MAML2: variants seen among roughly 807,000 people sequenced by gnomAD.
The protein encoded by MAML2 is mastermind-like protein 2.
Under a neutral mutation model 96.1 loss-of-function variants are expected in MAML2, and 22 were observed. That is an observed-to-expected ratio of 0.23 (90% CI 0.16 to 0.33). MAML2 has a LOEUF of 0.33. Among genes scored for constraint, MAML2 ranks in the 10% least tolerant of loss-of-function variants. The pLI, the probability that MAML2 is intolerant of heterozygous loss-of-function variation, is 1.00. For synonymous variants in MAML2, 561 were observed against 521.3 expected (o/e 1.08, Z -1.04); for missense variants, 1,367 against 1,392.4 (o/e 0.98, Z 0.29).
intron 1 of MAML2, among the ~76,000 whole-genome samples, chr11:96,156,296 T>G (rs1389356192): frequency 1.3e-5 from 2 of 152,210 alleles, no homozygotes; most frequent in African/African-American, 2.4e-5. Context: ...CCTCCGCCCC[T>G]CACACACCAG....
At chr11:96,148,659 TACACACAC>T (rs58470055) in intron 1 of MAML2, among the ~76,000 whole-genome samples, 5,754 of 131,886 alleles carry the variant, frequency 0.044, 168 homozygotes, top group African/African-American at 0.086. Flanking sequence ...TTCTGAAAAA[TACACACAC>T]ACACACACAC....
intron 1 of MAML2, among the ~76,000 whole-genome samples, chr11:96,108,454 C>A (rs1246118219): frequency 2.0e-5 from 3 of 152,216 alleles, no homozygotes; most frequent in African/African-American, 7.2e-5. Context: ...TTCTAAATAT[C>A]ATCTCATGAA....
chr11:96,318,513 CA>C (rs537684747), intron 1 of MAML2, among the ~76,000 whole-genome samples: 1 of 151,986 alleles, frequency 6.6e-6, no homozygotes. Flanking sequence ...CAAAACAAAA[CA>C]AAAAAACCCT....
chr11:96,214,550 T>C (rs1475009859), intron 1 of MAML2, among the ~76,000 whole-genome samples: 1 of 152,234 alleles, frequency 6.6e-6, no homozygotes, highest in Non-Finnish European at 1.5e-5. Flanking sequence ...CACTTGCTGA[T>C]GTTGGTAAAC....
At chr11:96,146,510 C>T (rs1178049011) in intron 1 of MAML2, among the ~76,000 whole-genome samples, 2 of 152,212 alleles carry the variant, frequency 1.3e-5, no homozygotes, top group Non-Finnish European at 2.9e-5. Context: ...CACCTGCCAG[C>T]TGTTATGAGT....
chr11:95,985,580 T>C lies in MAML2; in HGVS notation c.2406A>G (p.Lys802=). The C allele has an allele frequency of 6.2e-7, 1 of 1,612,936 alleles. No individual in the cohort carries two copies. Among genetic ancestry groups the C allele is most frequent in the East Asian group, 2.2e-5 (1 of 44,792 alleles). ...RHLSRPPPDY[K]DQRRNVGNMQ... ...TATTGCCCACATTTCTTCTTTGGTC[T>C]TTATAATCTGGAGGTGGCCTTGACA... is the stretch of plus-strand genomic sequence containing the variant. The change falls in exon 4 of 5, where the codon AAA becomes AAG. Residue 802 remains lysine, a synonymous_variant. Coordinates refer to ENST00000524717, the MANE Select transcript of MAML2 (RefSeq NM_032427.4).
At chr11:96,235,570 C>A (rs1862356377) in intron 1 of MAML2, among the ~76,000 whole-genome samples, 1 of 152,180 alleles carries the variant, frequency 6.6e-6, no homozygotes, top group Admixed American at 6.5e-5. Flanking sequence ...TTACTTTCCT[C>A]AGGTTTGGTT....
At chr11:96,300,693 A>T (rs11824956) in intron 1 of MAML2, among the ~76,000 whole-genome samples, 1,660 of 152,274 alleles carry the variant, frequency 0.011, 24 homozygotes, top group African/African-American at 0.037. Context: ...CAGCAAAAGG[A>T]AGATAAGCTA....
At chr11:96,207,693 G>A (rs971392906) in intron 1 of MAML2, among the ~76,000 whole-genome samples, 8 of 152,340 alleles carry the variant, frequency 5.3e-5, no homozygotes, top group Admixed American at 2.0e-4. Context: ...TGTCCAGGCA[G>A]TATATGCATG....
intron 1 of MAML2, among the ~76,000 whole-genome samples, chr11:96,225,597 T>G (rs1004900446): frequency 2.6e-5 from 4 of 152,268 alleles, no homozygotes; most frequent in Non-Finnish European, 5.9e-5. Flanking sequence ...TTTGGGAGGC[T>G]GAGGTGGGTG....
At chr11:96,004,841 T>C (rs969347413) in intron 2 of MAML2, among the ~76,000 whole-genome samples, 2 of 152,122 alleles carry the variant, frequency 1.3e-5, no homozygotes, top group Non-Finnish European at 2.9e-5. Flanking sequence ...TTTGCTATGG[T>C]TTTAATAATG....
rs201322456 is a variant in MAML2 at position 96,193,108 on chromosome 11, C to T, written c.514-99591G>A. On this transcript the variant is annotated intron_variant, in intron 1 of 4. Transcript: ENST00000524717. ...TTGGGGCCGGGTGCGGTGGCTCAGG[C>T]CTATAATCCCAGCACTTTGGGAGGC... 2.6e-5 allele frequency among the ~76,000 whole-genome samples: 4 copies of T among 152,256 alleles called. No individual in the cohort carries two copies. The East Asian group carries it at 7.7e-4, about 29-fold the overall frequency.
chr11:96,103,499 C>T (rs755506828), intron 1 of MAML2, among the ~76,000 whole-genome samples: 1 of 152,152 alleles, frequency 6.6e-6, no homozygotes, highest in African/African-American at 2.4e-5. Flanking sequence ...TAACAGTGTT[C>T]GAGGGTTGTT....
chr11:96,093,552 G>C, intron 1 of MAML2, 35 bp from the exon 2 acceptor site: 3 of 1,368,666 alleles, frequency 2.2e-6, no homozygotes, highest in Non-Finnish European at 3.0e-6. Context: ...GGAAAAATAA[G>C]AAATATGAAT....
chr11:96,072,171 C>T (rs1008892525), intron 2 of MAML2, among the ~76,000 whole-genome samples: 1 of 152,074 alleles, frequency 6.6e-6, no homozygotes, highest in Non-Finnish European at 1.5e-5. Context: ...TTCCAACATG[C>T]AGTGTTCTTA....
chr11:96,005,898 T>C (rs926771687), intron 2 of MAML2, among the ~76,000 whole-genome samples: 1 of 151,796 alleles, frequency 6.6e-6, no homozygotes, highest in Non-Finnish European at 1.5e-5. Flanking sequence ...ATCTGTAAAG[T>C]AACCTACAAA....
intron 1 of MAML2, among the ~76,000 whole-genome samples, chr11:96,119,483 T>C (rs180715867): frequency 6.6e-6 from 1 of 152,330 alleles, no homozygotes; most frequent in Admixed American, 6.5e-5. Flanking sequence ...CGACACTGAT[T>C]TTAGCCCAGT....
chr11:96,279,891 C>T (rs2135985019), intron 1 of MAML2, among the ~76,000 whole-genome samples: 1 of 152,270 alleles, frequency 6.6e-6, no homozygotes, highest in Non-Finnish European at 1.5e-5. Context: ...TTTTCTGCAT[C>T]TCAAAAAGAA....
chr11:95,993,098 C>T (rs986667062), intron 2 of MAML2, among the ~76,000 whole-genome samples: 12 of 151,106 alleles, frequency 7.9e-5, no homozygotes, highest in Admixed American at 2.0e-4. Context: ...TTTTTAGAGA[C>T]GGGGTCTTAC....
Sources: allele counts gnomAD v4.1 joint callset (sites outside exome capture counted in the v4.1 genomes callset), GRCh38; gene constraint gnomAD v4.1.1; transcripts MANE v1.5; gene names NCBI Gene and HGNC (gene_info 2026-07-23, HGNC 2026-07-21).